Variants in EPHA3 observed in about 807,000 individuals in gnomAD.
The protein encoded by EPHA3 is EPH receptor A3.
EPHA3 carries 42 observed loss-of-function variants against 107.1 expected under a neutral mutation model. The observed-to-expected ratio is 0.39, with a 90% CI of 0.31 to 0.51. The LOEUF (loss-of-function observed/expected upper bound fraction) is 0.51, where lower values mean the gene tolerates loss of function less well. EPHA3 is among the 20% of genes least tolerant of loss of function. The pLI is 0.78. For missense variants in EPHA3, 1,183 were observed against 1,211.2 expected (o/e 0.98, Z 0.35); for synonymous variants, 461 against 424.8 (o/e 1.09, Z -1.05).
intron 2 of EPHA3, among the ~76,000 whole-genome samples, chr3:89,174,579 G>A (rs1428981156): frequency 6.9e-6 from 1 of 144,810 alleles, no homozygotes; most frequent in Admixed American, 6.9e-5. Context: ...CTATATTCTA[G>A]CAAGTTCATC....
At chr3:89,148,702 A>T (rs918564657) in intron 2 of EPHA3, among the ~76,000 whole-genome samples, 1 of 152,010 alleles carries the variant, frequency 6.6e-6, no homozygotes, top group Non-Finnish European at 1.5e-5. Context: ...AATTAATCTT[A>T]CATTGTTTTC....
At chr3:89,117,464 T>C (rs1002765319) in intron 1 of EPHA3, among the ~76,000 whole-genome samples, 1 of 152,074 alleles carries the variant, frequency 6.6e-6, no homozygotes, top group Non-Finnish European at 1.5e-5. Context: ...TATTCTTTCA[T>C]TGCATCTGAT....
At chr3:89,203,752 G>C (rs1706032600) in intron 2 of EPHA3, among the ~76,000 whole-genome samples, 1 of 151,988 alleles carries the variant, frequency 6.6e-6, no homozygotes, top group Non-Finnish European at 1.5e-5. Flanking sequence ...ACTCCAGCCT[G>C]GGCAACAGAG....
chr3:89,341,118 C>T (rs770149571), intron 4 of EPHA3, 47 bp downstream of exon 4: 4 of 1,571,384 alleles, frequency 2.5e-6, no homozygotes, highest in South Asian at 1.2e-5. Flanking sequence ...GTTTTGTTTT[C>T]TTCTTGTTAC....
chr3:89,403,072 T>C (rs1708996882), intron 7 of EPHA3, among the ~76,000 whole-genome samples: 1 of 152,232 alleles, frequency 6.6e-6, no homozygotes, highest in Admixed American at 6.5e-5. Context: ...GGAATTTAGA[T>C]AACATTTTCT....
intron 3 of EPHA3, among the ~76,000 whole-genome samples, chr3:89,303,868 T>G (rs1371732625): frequency 6.6e-6 from 1 of 152,146 alleles, no homozygotes; most frequent in Non-Finnish European, 1.5e-5. Context: ...CACCTCTGTG[T>G]TTTTATGTCC....
At chr3:89,203,068 C>T (rs1299109781) in intron 2 of EPHA3, among the ~76,000 whole-genome samples, 3 of 151,990 alleles carry the variant, frequency 2.0e-5, no homozygotes, top group Non-Finnish European at 4.4e-5. Flanking sequence ...AGGGGAAGGA[C>T]GACATTTTAG....
rs556706865 is a variant in EPHA3, at chr3:89,477,077, C to A, written c.2847-2320C>A. 4.1e-5 allele frequency among the ~76,000 whole-genome samples: 6 copies of A among 147,150 alleles called. No individual in the cohort carries two copies. The South Asian group carries it at 1.2e-3, about 31-fold the overall frequency. ...TAGACTCAAAAACTGACTTTGCTGT[C>A]GTTTGGGGATAAGTGGAGAAATGTT... On this transcript the variant is annotated intron_variant, in intron 16 of 16. Coordinates refer to ENST00000336596, the MANE Select transcript of EPHA3 (RefSeq NM_005233.6).
At chr3:89,279,302 ACT>A (rs1705886155) in intron 3 of EPHA3, among the ~76,000 whole-genome samples, 1 of 151,986 alleles carries the variant, frequency 6.6e-6, no homozygotes, top group Admixed American at 6.6e-5. Context: ...GAATTGACAC[ACT>A]CTGTTTACCA....
At chr3:89,208,466 G>GAAAGAAAGAAAGAAAGAA (rs1559600905) in intron 2 of EPHA3, among the ~76,000 whole-genome samples, 2 of 128,036 alleles carry the variant, frequency 1.6e-5, no homozygotes, top group South Asian at 2.5e-4. Context: ...AAGAAAGAAA[G>GAAAGAAAGAAAGAAAGAA]AAAGAAAGAA....
chr3:89,340,883 C>A, intron 3 of EPHA3, 33 bp from the exon 4 acceptor site: 1 of 1,529,610 alleles, frequency 6.5e-7, no homozygotes, highest in Non-Finnish European at 8.8e-7. Flanking sequence ...AAAATTATCA[C>A]AGACTTTTAA....
intron 3 of EPHA3, among the ~76,000 whole-genome samples, chr3:89,303,445 C>CA (rs67736700): frequency 0.055 from 6,342 of 114,504 alleles, 350 homozygotes; most frequent in African/African-American, 0.15. Context: ...TATAAAAAGG[C>CA]AAAAAAAAAA....
chr3:89,180,489 T>C (rs781781462), intron 2 of EPHA3, among the ~76,000 whole-genome samples: 6 of 152,044 alleles, frequency 3.9e-5, no homozygotes, highest in Non-Finnish European at 8.8e-5. Context: ...AGCCACAGCA[T>C]TATGATGCAT....
chr3:89,416,083 G>A (rs1021676705), intron 10 of EPHA3, among the ~76,000 whole-genome samples: 5 of 151,140 alleles, frequency 3.3e-5, no homozygotes, highest in African/African-American at 1.2e-4. Context: ...GTAGAAGGAG[G>A]GTAGGCTTTA....
In EPHA3 at chr3:89,431,224, G is replaced by C. The variant is rs775165639; in HGVS notation, c.2211G>C (p.Leu737=). 6.2e-7 allele frequency: 1 copy of C among 1,613,840 alleles called. No homozygotes were observed. Among genetic ancestry groups the C allele is most frequent in the South Asian group, 1.1e-5 (1 of 91,064 alleles). Residue 737 remains leucine, a synonymous_variant, in exon 13 of 17, where the codon CTG becomes CTC. Coordinates refer to ENST00000336596, the MANE Select transcript of EPHA3 (RefSeq NM_005233.6). The part of the protein sequence containing the change: ...LRGIASGMKY[L]SDMGYVHRDL... ...GGATAGCATCTGGCATGAAGTACCT[G>C]TCAGACATGGGCTATGTTCACCGAG...
chr3:89,420,326 A>G (rs187773050), intron 11 of EPHA3, among the ~76,000 whole-genome samples: 1 of 151,606 alleles, frequency 6.6e-6, no homozygotes, highest in East Asian at 1.9e-4. Flanking sequence ...TCCAAATGGC[A>G]CTAATACTTA....
chr3:89,364,653 A>C (rs1708155013), intron 5 of EPHA3, among the ~76,000 whole-genome samples: 1 of 150,916 alleles, frequency 6.6e-6, no homozygotes. Context: ...TGGCCTCAAA[A>C]AGGCAACACT....
chr3:89,317,096 T>C (rs1022883144), intron 3 of EPHA3, among the ~76,000 whole-genome samples: 1 of 151,798 alleles, frequency 6.6e-6, no homozygotes, highest in African/African-American at 2.4e-5. Context: ...GTTAAATTAT[T>C]CTATAATTAG....
At chr3:89,201,507 G>C (rs889772510) in intron 2 of EPHA3, among the ~76,000 whole-genome samples, 2 of 152,182 alleles carry the variant, frequency 1.3e-5, no homozygotes, top group African/African-American at 4.8e-5. Context: ...CACCATATTT[G>C]CCATGGTTTT....
Sources: allele counts gnomAD v4.1 joint callset (sites outside exome capture counted in the v4.1 genomes callset), GRCh38; gene constraint gnomAD v4.1.1; transcripts MANE v1.5; gene names NCBI Gene and HGNC (gene_info 2026-07-23, HGNC 2026-07-21).